TYW1B: variants seen among roughly 807,000 people sequenced by gnomAD.
The protein encoded by TYW1B is S-adenosyl-L-methionine-dependent tRNA 4-demethylwyosine synthase TYW1B.
TYW1B carries 73 observed loss-of-function variants against 86.9 expected under a neutral mutation model. That is an observed-to-expected ratio of 0.84 (90% CI 0.70 to 1.02). TYW1B has a LOEUF of 1.02. Ranked by LOEUF, TYW1B falls within the 50% of genes least tolerant of loss-of-function variation. TYW1B has a pLI of 0.00. For synonymous variants in TYW1B, 248 were observed against 292.8 expected, an observed-to-expected ratio of 0.85 and a Z score of 1.56; for missense variants, 637 against 827.4, an observed-to-expected ratio of 0.77 and a Z score of 2.82.
At chr7:72,668,760 A>G (rs1813524581) in intron 11 of TYW1B, among the ~76,000 whole-genome samples, 1 of 152,182 alleles carries the variant, frequency 6.6e-6, no homozygotes, top group Non-Finnish European at 1.5e-5. Flanking sequence ...AGTCTGTGAC[A>G]TTTTAAGTTT....
intron 13 of TYW1B, among the ~76,000 whole-genome samples, chr7:72,582,276 G>A (rs1406328957): frequency 7.9e-4 from 118 of 149,828 alleles, no homozygotes; most frequent in Middle Eastern, 7.0e-3. Flanking sequence ...CAGACACACC[G>A]TCTGAGGCAC....
At chr7:72,801,757 T>C (rs1220695580) in intron 6 of TYW1B, among the ~76,000 whole-genome samples, 1 of 152,166 alleles carries the variant, frequency 6.6e-6, no homozygotes, top group Non-Finnish European at 1.5e-5. Context: ...CAGATTGGTA[T>C]TTCCTGGATT....
At chr7:72,802,375 G>A (rs1788416178) in intron 6 of TYW1B, 25 bp downstream of exon 6, 1 of 1,613,364 alleles carries the variant, frequency 6.2e-7, no homozygotes, top group Non-Finnish European at 8.5e-7. Flanking sequence ...GGAGCCAAGT[G>A]CAACATTTCC....
rs1490570750 is a variant in TYW1B, at chr7:72,777,460, C to T, written c.920G>A (p.Arg307Lys). The T allele has an allele frequency of 8.1e-6, 13 of 1,613,980 alleles. No individual in the cohort carries two copies. Among genetic ancestry groups the T allele is most frequent in the Non-Finnish European group, 1.1e-5 (13 of 1,179,998 alleles). ...TCGGAGAGCAGGAGTTATCATAGCTCTTCTTTCACCATCTTCATTCCTCCC... is the reference window on the plus strand; with the variant it reads ...TCGGAGAGCAGGAGTTATCATAGCTTTTCTTTCACCATCTTCATTCCTCCC... Reference protein sequence around the residue: ...NMGRNEDGERRAMITPALREA... With the variant: ...NMGRNEDGERKAMITPALREA... The change falls in exon 7 of 14, where the codon AGA becomes AAA. Residue 307 changes from arginine to lysine, a missense_variant. Transcript: ENST00000620995.
intron 11 of TYW1B, among the ~76,000 whole-genome samples, chr7:72,652,042 C>T (rs1227208127): frequency 1.3e-5 from 2 of 152,162 alleles, no homozygotes; most frequent in East Asian, 1.9e-4. Context: ...CTCAGCCTCC[C>T]GGTAAGACTA....
intron 2 of TYW1B, among the ~76,000 whole-genome samples, chr7:72,816,753 G>C (rs1231065284): frequency 6.6e-6 from 1 of 152,156 alleles, no homozygotes; most frequent in Non-Finnish European, 1.5e-5. Context: ...CTATGTAATG[G>C]AGCCTCCAAG....
Position 72,575,595 on chromosome 7 carries a change from G to A in TYW1B, c.1910C>T (p.Pro637Leu), listed in dbSNP as rs1216370291. The A allele has an allele frequency of 6.2e-7, 1 of 1,613,846 alleles. No homozygotes were observed. Among genetic ancestry groups the A allele is most frequent in the African/African-American group, 1.3e-5 (1 of 74,992 alleles). Residue 637 changes from proline to leucine, a missense_variant, in exon 14 of 14, where the codon CCT becomes CTT. Coordinates refer to ENST00000620995, the MANE Select transcript of TYW1B (RefSeq NM_001145440.3). ...ATTGGCACCAAATAATGCCCAGTGA[G>A]GAGTTCTGGCCATATAATCCTTTGC... is the stretch of plus-strand genomic sequence containing the variant. Reference protein sequence around the residue: ...FSAKDYMARTPHWALFGANER... With the variant: ...FSAKDYMARTLHWALFGANER...
At chr7:72,810,995 G>A (rs1788600383) in intron 3 of TYW1B, among the ~76,000 whole-genome samples, 1 of 152,014 alleles carries the variant, frequency 6.6e-6, no homozygotes, top group African/African-American at 2.4e-5. Context: ...ATACAGGCCG[G>A]GTGCGGTGGC....
rs1491499267 is a variant in TYW1B, at chr7:72,632,335, ACG to A, written c.1507-3340_1507-3339del. ...TATTATATATATTATATATATATAC[ACG>A]TATATATATTATATATATTATATAT... On this transcript the variant is annotated intron_variant, in intron 11 of 13. Transcript: ENST00000620995. 2.8e-3 allele frequency among the ~76,000 whole-genome samples: 224 copies of A among 78,600 alleles called. 1 individual carries two copies. Among genetic ancestry groups the A allele is most frequent in the African/African-American group, 0.011 (149 of 13,714 alleles). The allele number at this position is 78,600 out of a possible 152,430, so 51.6% of individuals were successfully genotyped here. A position where few individuals can be genotyped will look rare whatever the true frequency, so the allele number is the denominator to read the frequency against.
chr7:72,680,055 G>C (rs1298142225), intron 11 of TYW1B, among the ~76,000 whole-genome samples: 1 of 152,238 alleles, frequency 6.6e-6, no homozygotes, highest in Admixed American at 6.5e-5. Context: ...CTTGAGTCCA[G>C]GAGTTCAAGG....
At chr7:72,654,335 T>G (rs1489943314) in intron 11 of TYW1B, among the ~76,000 whole-genome samples, 12 of 152,076 alleles carry the variant, frequency 7.9e-5, no homozygotes, top group Non-Finnish European at 1.2e-4. Flanking sequence ...TAAGCACAAT[T>G]TAATCATAAG....
chr7:72,652,397 AAAAAAAAAAT>A (rs1813086372), intron 11 of TYW1B, among the ~76,000 whole-genome samples: 1 of 149,660 alleles, frequency 6.7e-6, no homozygotes, highest in Non-Finnish European at 1.5e-5. Context: ...AAAAAAAAAA[AAAAAAAAAAT>A]TTTTGTGACA....
chr7:72,754,625 A>G (rs1554465673), intron 7 of TYW1B, among the ~76,000 whole-genome samples: 1 of 151,750 alleles, frequency 6.6e-6, no homozygotes, highest in East Asian at 1.9e-4. Flanking sequence ...TTTTGAAGAG[A>G]TGGGGTTTCA....
intron 13 of TYW1B, among the ~76,000 whole-genome samples, chr7:72,601,980 G>A (rs1811678379): frequency 6.6e-6 from 1 of 152,132 alleles, no homozygotes; most frequent in Non-Finnish European, 1.5e-5. Context: ...ATAAATGTAT[G>A]ACATTATGCA....
At chr7:72,706,055 T>C (rs1654455445) in intron 10 of TYW1B, among the ~76,000 whole-genome samples, 1 of 152,200 alleles carries the variant, frequency 6.6e-6, no homozygotes, top group South Asian at 2.1e-4. Flanking sequence ...CAGGAAATAA[T>C]GTGAGTCAAG....
chr7:72,812,781 C>T (rs1788646081), intron 3 of TYW1B, among the ~76,000 whole-genome samples: 1 of 151,650 alleles, frequency 6.6e-6, no homozygotes, highest in Non-Finnish European at 1.5e-5. Context: ...CTGCAACCTC[C>T]ACCTCCCGAG....
chr7:72,637,815 C>T (rs1812709053), intron 11 of TYW1B, among the ~76,000 whole-genome samples: 3 of 148,980 alleles, frequency 2.0e-5, no homozygotes. Flanking sequence ...TTTTTTTTCT[C>T]CTTCACTCTT....
chr7:72,765,591 G>A (rs554475081), intron 7 of TYW1B, among the ~76,000 whole-genome samples: 8 of 152,154 alleles, frequency 5.3e-5, no homozygotes, highest in African/African-American at 9.6e-5. Flanking sequence ...TCAGCCTCTC[G>A]AGTAGCTGAG....
At chr7:72,681,726 C>G (rs1233092311) in intron 11 of TYW1B, among the ~76,000 whole-genome samples, 1 of 151,286 alleles carries the variant, frequency 6.6e-6, no homozygotes, top group East Asian at 1.9e-4. Context: ...TCCCGAGTAG[C>G]TGGGACCCAC....
Sources: gnomAD v4.1 joint callset for allele counts (sites outside exome capture counted in the v4.1 genomes callset) on GRCh38, gnomAD v4.1.1 for gene constraint, MANE v1.5 for transcripts, NCBI Gene and HGNC (gene_info 2026-07-23, HGNC 2026-07-21) for gene names.